Variants in TMEM266 observed in about 807,000 individuals in gnomAD.
The protein encoded by TMEM266 is Hv1 related protein 1.
A neutral mutation model predicts 50.5 loss-of-function variants in TMEM266; 33 were observed. The observed-to-expected ratio is 0.65, with a 90% CI of 0.50 to 0.87. TMEM266 has a LOEUF of 0.87. TMEM266 is among the 40% of genes least tolerant of loss of function. TMEM266 has a pLI of 0.00. For synonymous variants in TMEM266, 310 were observed against 292.3 expected (o/e 1.06, Z -0.62); for missense variants, 655 against 695.1 (o/e 0.94, Z 0.65).
At chr15:76,127,323 CTT>C (rs530406441) in intron 1 of TMEM266, among the ~76,000 whole-genome samples, 75 of 138,730 alleles carry the variant, frequency 5.4e-4, no homozygotes, top group Non-Finnish European at 6.4e-4. Context: ...ACCTCTAGTC[CTT>C]TTTTTTTTTT....
intron 3 of TMEM266, among the ~76,000 whole-genome samples, chr15:76,145,335 A>AGTGATTTCCACTGGAAATG (rs59549396): frequency 6.6e-6 from 1 of 152,036 alleles, no homozygotes; most frequent in Non-Finnish European, 1.5e-5. Flanking sequence ...GACAGGAACC[A>AGTGATTTCCACTGGAAATG]GTGATTTCCA....
intron 1 of TMEM266, among the ~76,000 whole-genome samples, chr15:76,099,980 A>C (rs1023402589): frequency 3.9e-5 from 6 of 152,276 alleles, no homozygotes; most frequent in Non-Finnish European, 8.8e-5. Flanking sequence ...GTTAGATCTC[A>C]TGAGAATTCA....
intron 1 of TMEM266, among the ~76,000 whole-genome samples, chr15:76,081,303 C>T (rs889851576): frequency 6.6e-6 from 1 of 152,218 alleles, no homozygotes; most frequent in Non-Finnish European, 1.5e-5. Context: ...CTTTCTTATC[C>T]TTCCGTTTCC....
At chr15:76,185,149 G>A (rs972656084) in intron 8 of TMEM266, among the ~76,000 whole-genome samples, 2 of 152,268 alleles carry the variant, frequency 1.3e-5, no homozygotes, top group Middle Eastern at 3.4e-3. Context: ...TCTTAAATTT[G>A]TGGATTGATG....
chr15:76,107,536 A>C (rs903496745), intron 1 of TMEM266, among the ~76,000 whole-genome samples: 1 of 152,176 alleles, frequency 6.6e-6, no homozygotes, highest in African/African-American at 2.4e-5. Flanking sequence ...TCTTGCACCC[A>C]ACTAGTAAGT....
chr15:76,078,312 G>A (rs2036634533), intron 1 of TMEM266, among the ~76,000 whole-genome samples: 1 of 151,950 alleles, frequency 6.6e-6, no homozygotes, highest in Admixed American at 6.5e-5. Flanking sequence ...CCGGGGCCCC[G>A]GTAGTGAATA....
At chr15:76,159,598 GC>G (rs1457539629) in intron 4 of TMEM266, among the ~76,000 whole-genome samples, 1 of 152,142 alleles carries the variant, frequency 6.6e-6, no homozygotes, top group Non-Finnish European at 1.5e-5. Context: ...CACCGTCTCT[GC>G]CACTCGGTTT....
chr15:76,123,789 T>C (rs1028198330), intron 1 of TMEM266, among the ~76,000 whole-genome samples: 1 of 151,650 alleles, frequency 6.6e-6, no homozygotes, highest in Non-Finnish European at 1.5e-5. Context: ...TCACTGCCAC[T>C]GCAACCTCCA....
intron 1 of TMEM266, among the ~76,000 whole-genome samples, chr15:76,132,610 A>G (rs2037527543): frequency 6.7e-6 from 1 of 150,176 alleles, no homozygotes; most frequent in Non-Finnish European, 1.5e-5. Flanking sequence ...AGCCTGGCCA[A>G]CATGGTGAAA....
In TMEM266 at chr15:76,171,092, A is replaced by G. The variant is rs763810883; in HGVS notation, c.613A>G (p.Ile205Val). The G allele has an allele frequency of 6.2e-7, 1 of 1,613,684 alleles. No homozygotes were observed. Among genetic ancestry groups the G allele is most frequent in the Non-Finnish European group, 8.5e-7 (1 of 1,179,820 alleles). ...CCCCTGGGACGCCATCAGCCTCATC[A>G]TCATGCTCCGGATCTGGAGGGTGAA... Residue 205 changes from isoleucine (I) to valine (V), a missense_variant, in exon 7 of 11, where the codon ATC becomes GTC. Physicochemically the swap from Ile to Val is conservative, Grantham distance 29. This residue lies in a region of TMEM266 where 101 missense variants were observed against 182.6 expected (regional missense o/e 0.55). Transcript: ENST00000388942.
At chr15:76,117,105 G>A (rs553653543) in intron 1 of TMEM266, among the ~76,000 whole-genome samples, 398 of 152,066 alleles carry the variant, frequency 2.6e-3, no homozygotes, top group Non-Finnish European at 4.5e-3. Flanking sequence ...CTTCATGTTG[G>A]TCAGGCTGGT....
At chr15:76,177,850 A>G (rs769083810) in intron 8 of TMEM266, among the ~76,000 whole-genome samples, 3 of 152,228 alleles carry the variant, frequency 2.0e-5, no homozygotes, top group African/African-American at 7.2e-5. Context: ...TGGGTGACTC[A>G]GGGGGTTTGG....
At chr15:76,063,519 C>T (rs2036347511) in intron 1 of TMEM266, among the ~76,000 whole-genome samples, 1 of 152,138 alleles carries the variant, frequency 6.6e-6, no homozygotes, top group Non-Finnish European at 1.5e-5. Flanking sequence ...TCTTCATAGT[C>T]CCTCGCCTCA....
In TMEM266 at chr15:76,161,117, C is replaced by T. The variant is rs1236607435; in HGVS notation, c.456+949C>T. On this transcript the variant is annotated intron_variant, in intron 5 of 10. Transcript: ENST00000388942. This position sits in a 1 kb window ranked among gnomAD's most constrained non-coding sequence, Gnocchi z 4.1. The stretch of plus-strand genomic sequence containing the variant: ...AGAGCCTAGGACTGGCCCAAGTCAG[C>T]GGGCCACTGTGTCACTCTACCCTTG... Among the ~76,000 whole-genome samples the T allele has an allele frequency of 1.3e-5, 2 of 152,154 alleles. No individual in the cohort carries two copies. The highest frequency in any genetic ancestry group is 2.4e-5 in the African/African-American group (1 of 41,426).
intron 1 of TMEM266, among the ~76,000 whole-genome samples, chr15:76,088,074 C>T (rs1351810160): frequency 6.6e-6 from 1 of 152,200 alleles, no homozygotes. Flanking sequence ...GCACCCTCAG[C>T]ATGGCTCTTC....
intron 1 of TMEM266, among the ~76,000 whole-genome samples, chr15:76,126,193 C>T (rs1424530865): frequency 1.3e-5 from 2 of 151,750 alleles, no homozygotes; most frequent in Non-Finnish European, 2.9e-5. Flanking sequence ...TATGATCCAG[C>T]AATCCCACTG....
At chr15:76,138,222 C>CA (rs376580547) in intron 3 of TMEM266, among the ~76,000 whole-genome samples, 2,166 of 71,794 alleles carry the variant, frequency 0.03, 77 homozygotes, top group Middle Eastern at 0.056. Context: ...AACTCTGTCT[C>CA]AAAAAAAAAA....
chr15:76,085,262 CTTT>C (rs773522680), intron 1 of TMEM266, among the ~76,000 whole-genome samples: 1 of 138,784 alleles, frequency 7.2e-6, no homozygotes. Context: ...CCCAGCCTTT[CTTT>C]TTTTTTTTTT....
intron 8 of TMEM266, among the ~76,000 whole-genome samples, chr15:76,178,032 A>T (rs773272058): frequency 9.2e-5 from 14 of 152,040 alleles, no homozygotes; most frequent in Non-Finnish European, 1.6e-4. Flanking sequence ...GAGTGGGTGC[A>T]GTGCCCCCGG....
Sources: allele counts gnomAD v4.1 joint callset (sites outside exome capture counted in the v4.1 genomes callset), GRCh38; gene constraint gnomAD v4.1.1; regional missense constraint gnomAD v4.1.1; non-coding constraint Gnocchi (gnomAD v3.1); transcripts MANE v1.5; gene names NCBI Gene and HGNC (gene_info 2026-07-23, HGNC 2026-07-21).